The following MCPH1 variants were observed in gnomAD, a reference collection of about 807,000 sequenced individuals.
The protein encoded by MCPH1 is microcephalin.
MCPH1 carries 104 observed loss-of-function variants against 84.5 expected under a neutral mutation model. The observed-to-expected ratio is 1.23, with a 90% confidence interval of 1.05 to 1.45. The LOEUF (loss-of-function observed/expected upper bound fraction) is 1.45, where lower values mean the gene tolerates loss of function less well. Ranked by LOEUF, MCPH1 falls within the 40% of genes most tolerant of loss-of-function variation. The pLI is 0.00. For missense variants in MCPH1, 1,498 were observed against 1,005.7 expected, an observed-to-expected ratio of 1.49 and a Z score of -6.62; for synonymous variants, 514 against 366.8, an observed-to-expected ratio of 1.40 and a Z score of -4.58.
At chr8:6,633,777 C>G (rs767931390) in intron 13 of MCPH1, among the ~76,000 whole-genome samples, 1 of 152,166 alleles carries the variant, frequency 6.6e-6, no homozygotes, top group Non-Finnish European at 1.5e-5. Flanking sequence ...GCCGAGAACT[C>G]CATGCATTAC....
intron 3 of MCPH1, among the ~76,000 whole-genome samples, chr8:6,423,185 C>T (rs62504904): frequency 1.3e-4 from 14 of 110,786 alleles, no homozygotes; most frequent in Admixed American, 3.1e-4. Context: ...TTTTTCTTTT[C>T]TTTTCTTTTT....
At chr8:6,447,541 GT>G (rs1804577671) in intron 8 of MCPH1, 1 of 563,612 alleles carries the variant, frequency 1.8e-6, no homozygotes, top group African/African-American at 2.0e-5. Context: ...TTTTGGTTTT[GT>G]TTTGTTTTGT....
rs17076838 is a variant in MCPH1, at chr8:6,429,301, T to C, written c.234-2198T>C. Among the ~76,000 whole-genome samples the C allele has an allele frequency of 7.4e-3, 1,130 of 152,298 alleles. 16 individuals carry two copies. The highest frequency in any genetic ancestry group is 0.025 in the African/African-American group (1,052 of 41,566). On this transcript the variant is annotated intron_variant, in intron 3 of 13. Coordinates refer to ENST00000344683, the MANE Select transcript of MCPH1 (RefSeq NM_024596.5). The stretch of plus-strand genomic sequence containing the variant: ...TCCACTTATGTGAACATGGACCCAG[T>C]GCCCCCATTGGACACAGGGTGGCAG...
At chr8:6,638,001 C>T (rs568184827) in intron 13 of MCPH1, among the ~76,000 whole-genome samples, 1 of 152,300 alleles carries the variant, frequency 6.6e-6, no homozygotes, top group South Asian at 2.1e-4. Context: ...AATGAGGCAT[C>T]TAGAAGCCAG....
At chr8:6,512,493 T>C (rs779473069) in intron 12 of MCPH1, among the ~76,000 whole-genome samples, 1 of 152,184 alleles carries the variant, frequency 6.6e-6, no homozygotes, top group Non-Finnish European at 1.5e-5. Flanking sequence ...AGTGGGTATT[T>C]CATAATGTGT....
intron 12 of MCPH1, among the ~76,000 whole-genome samples, chr8:6,504,177 G>A (rs1205555521): frequency 1.3e-5 from 2 of 151,882 alleles, no homozygotes; most frequent in African/African-American, 4.8e-5. Context: ...AATTAGCCGG[G>A]CGTGGTGGCG....
intron 13 of MCPH1, chr8:6,626,474 GTTTT>G (rs71213328): frequency 7.6e-6 from 7 of 925,198 alleles, no homozygotes; most frequent in Non-Finnish European, 8.8e-6. Context: ...TTTTTGTTTT[GTTTT>G]TTTTTTTTTT....
chr8:6,464,355 A>C (rs1052066493), intron 9 of MCPH1, among the ~76,000 whole-genome samples: 1 of 152,232 alleles, frequency 6.6e-6, no homozygotes, highest in African/African-American at 2.4e-5. Flanking sequence ...TTGATAGCCT[A>C]ACAGTTGCTT....
At chr8:6,432,904 T>C (rs1802045858) in intron 4 of MCPH1, among the ~76,000 whole-genome samples, 1 of 152,204 alleles carries the variant, frequency 6.6e-6, no homozygotes, top group African/African-American at 2.4e-5. Flanking sequence ...TGTAAAACAT[T>C]TAGTAAACAC....
rs565223646 is a variant in MCPH1, at chr8:6,530,138, T to G, written c.2214+30209T>G. ...GATGAGCTATTCAATTACCCATCAG[T>G]GTTAGTATCAAAAGGTGGGGCATGT... is the stretch of plus-strand genomic sequence containing the variant. On this transcript the variant is annotated intron_variant, in intron 12 of 13. Coordinates refer to ENST00000344683, the MANE Select transcript of MCPH1 (RefSeq NM_024596.5). Among the ~76,000 whole-genome samples the G allele has an allele frequency of 1.7e-3, 256 of 152,258 alleles. 1 individual carries two copies. Among genetic ancestry groups the G allele is most frequent in the African/African-American group, 6.0e-3 (251 of 41,558 alleles).
rs576442897 is a variant in MCPH1, at chr8:6,480,955, C to G, written c.2136+79C>G. The stretch of plus-strand genomic sequence containing the variant: ...GGTCACCCTGAGGTGCCGACATCAG[C>G]ACTCAGGCCGGCGTGCACCCTTGTG... On this transcript the variant is annotated intron_variant, in intron 11 of 13. Coordinates refer to ENST00000344683, the MANE Select transcript of MCPH1 (RefSeq NM_024596.5). The G allele has an allele frequency of 2.6e-6, 4 of 1,516,606 alleles. No homozygotes were observed. In the East Asian group the frequency reaches 9.0e-5, roughly 34 times the overall value. 93.9% of individuals were successfully genotyped at this position (1,516,606 alleles called of 1,614,324 possible).
chr8:6,430,159 G>A (rs763164614), intron 3 of MCPH1, among the ~76,000 whole-genome samples: 4 of 152,128 alleles, frequency 2.6e-5, no homozygotes, highest in South Asian at 2.1e-4. Flanking sequence ...AACCATACTC[G>A]TTATGCAACC....
chr8:6,432,323 T>A (rs1801960288), intron 4 of MCPH1, among the ~76,000 whole-genome samples: 1 of 152,256 alleles, frequency 6.6e-6, no homozygotes, highest in Admixed American at 6.5e-5. Context: ...ACAATGTGAA[T>A]GCTTTGTAAA....
At chr8:6,413,267 A>C (rs1034164620) in intron 2 of MCPH1, among the ~76,000 whole-genome samples, 3 of 7,686 alleles carry the variant, frequency 3.9e-4, no homozygotes, top group African/African-American at 4.2e-4. Context: ...TTCAGTTGTC[A>C]CTTATTGTTT....
intron 3 of MCPH1, 99 bp downstream of exon 3, chr8:6,414,982 T>G (rs1799061935): frequency 8.0e-7 from 1 of 1,252,056 alleles, no homozygotes; most frequent in East Asian, 2.5e-5. Flanking sequence ...AAGTTTGATT[T>G]TCATCTTTTC....
At chr8:6,417,530 C>A (rs1366853063) in intron 3 of MCPH1, among the ~76,000 whole-genome samples, 1 of 151,396 alleles carries the variant, frequency 6.6e-6, no homozygotes, top group Non-Finnish European at 1.5e-5. Context: ...CTTTTTTTTT[C>A]TCCTCAGATT....
chr8:6,547,601 A>G lies in MCPH1; in HGVS notation c.2214+47672A>G, dbSNP rs574877225. Reference sequence around the variant, plus strand: ...TGGACCACCGTAGAATGGCTGACTCACTTGCCTCATCAGTAGAGGGGCACA... The same window carrying G: ...TGGACCACCGTAGAATGGCTGACTCGCTTGCCTCATCAGTAGAGGGGCACA... On this transcript the variant is annotated intron_variant, in intron 12 of 13. Coordinates refer to ENST00000344683, the MANE Select transcript of MCPH1 (RefSeq NM_024596.5). Among the ~76,000 whole-genome samples the G allele has an allele frequency of 5.9e-5, 9 of 152,276 alleles. No homozygotes were observed. In the East Asian group the frequency reaches 1.5e-3, roughly 26 times the overall value.
chr8:6,425,609 C>G (rs185043849), intron 3 of MCPH1, among the ~76,000 whole-genome samples: 2 of 152,288 alleles, frequency 1.3e-5, no homozygotes, highest in East Asian at 1.9e-4. Context: ...AAGCTTCTCC[C>G]AAAGGAACAG....
chr8:6,461,909 A>G (rs543661534), intron 9 of MCPH1, among the ~76,000 whole-genome samples: 2 of 152,246 alleles, frequency 1.3e-5, no homozygotes, highest in South Asian at 2.1e-4. Flanking sequence ...TTATTCTACT[A>G]CTTCTGGATT....
Sources: allele counts gnomAD v4.1 joint callset (sites outside exome capture counted in the v4.1 genomes callset), GRCh38; gene constraint gnomAD v4.1.1; transcripts MANE v1.5; gene names NCBI Gene and HGNC (gene_info 2026-07-23, HGNC 2026-07-21).